Variants in MGAM observed in about 807,000 individuals in gnomAD.
The protein encoded by MGAM is maltase-glucoamylase, also known as alpha-1,4-glucosidase.
MGAM carries 253 observed loss-of-function variants against 358.8 expected under a neutral mutation model. The ratio of observed to expected loss-of-function variants is 0.71; its 90% CI spans 0.64 to 0.78. The LOEUF is 0.78. Among genes scored for constraint, MGAM ranks in the 30% least tolerant of loss-of-function variants. The pLI is 0.00. For missense variants in MGAM, 3,080 were observed against 3,432.6 expected (o/e 0.90, Z 2.57); for synonymous variants, 1,105 against 1,227.1 (o/e 0.90, Z 2.08).
intron 2 of MGAM, 45 bp downstream of exon 2, chr7:142,005,702 G>C: frequency 6.4e-7 from 1 of 1,564,796 alleles, no homozygotes; most frequent in East Asian, 2.3e-5. Context: ...GTTTTTATTA[G>C]AGCAAACCTT....
chr7:141,988,803 A>G (rs2128968816), intron 2 of MGAM, among the ~76,000 whole-genome samples: 1 of 152,326 alleles, frequency 6.6e-6, no homozygotes, highest in South Asian at 2.1e-4. Context: ...CTGCTAAATA[A>G]TAGACATTTC....
chr7:142,094,801 C>T lies in MGAM; in HGVS notation c.7396C>T (p.Arg2466Cys), dbSNP rs267601326. 2.0e-5 allele frequency: 32 copies of T among 1,613,710 alleles called. No homozygotes were observed. Among genetic ancestry groups the T allele is most frequent in the Non-Finnish European group, 2.2e-5 (26 of 1,179,868 alleles). ...FQDAEYEMCV[R>C]WMQLGAFYPF... The stretch of plus-strand genomic sequence containing the variant: ...AGATGCTGAATATGAGATGTGTGTT[C>T]GCTGGATGCAGCTGGGGGCCTTTTA... Residue 2466 changes from arginine to cysteine, a missense_variant, in exon 63 of 71, where the codon CGC (arginine) becomes TGC (cysteine). This residue lies in a region of MGAM where 932 missense variants were observed against 1,198.2 expected (regional missense o/e 0.78). Coordinates refer to ENST00000475668, the MANE Select transcript of MGAM (RefSeq NM_001365693.1).
chr7:142,095,937 A>G lies in MGAM; in HGVS notation c.7607+224A>G, dbSNP rs1815866670. On this transcript the variant is annotated intron_variant, in intron 64 of 70. Coordinates refer to ENST00000475668, the MANE Select transcript of MGAM (RefSeq NM_001365693.1). ...CAAAACTGAAATGATGCAGTATAGC[A>G]TAGAATAATTTCTTTCTAATTTGGC... 10 of 734,206 alleles carry G rather than the reference A, an allele frequency of 1.4e-5. No individual in the cohort carries two copies. The South Asian group carries it at 1.8e-4, about 13-fold the overall frequency. 45.5% of individuals were successfully genotyped at this position (734,206 alleles called of 1,614,324 possible).
intron 1 of MGAM, among the ~76,000 whole-genome samples, chr7:142,000,185 G>A (rs1804622050): frequency 6.6e-6 from 1 of 152,134 alleles, no homozygotes; most frequent in Non-Finnish European, 1.5e-5. Context: ...AAATATGGGG[G>A]TGAGTTAGCC....
At chr7:142,008,409 T>TA (rs1805331808) in intron 2 of MGAM, 97 bp from the exon 3 acceptor site, 1 of 1,305,658 alleles carries the variant, frequency 7.7e-7, no homozygotes, top group African/African-American at 1.5e-5. Context: ...GAGTGAAGCC[T>TA]ACTCAGTAGT....
At chr7:142,089,966 GA>G (rs1412681690) in intron 57 of MGAM, among the ~76,000 whole-genome samples, 1 of 146,178 alleles carries the variant, frequency 6.8e-6, no homozygotes, top group African/African-American at 2.4e-5. Context: ...ACAGCCCCAT[GA>G]AAAGCAGATT....
At chr7:142,042,917 T>G (rs1353668118) in intron 21 of MGAM, among the ~76,000 whole-genome samples, 1 of 49,188 alleles carries the variant, frequency 2.0e-5, no homozygotes, top group East Asian at 6.2e-4. Flanking sequence ...ATATTATATA[T>G]ACATATAATA....
chr7:142,017,951 C>A (rs1346735430), intron 3 of MGAM, among the ~76,000 whole-genome samples: 2 of 152,124 alleles, frequency 1.3e-5, no homozygotes, highest in African/African-American at 2.4e-5. Flanking sequence ...AGCTGAGTAA[C>A]CTTTGGCAGG....
At chr7:142,097,982 T>C (rs1816094539) in intron 66 of MGAM, among the ~76,000 whole-genome samples, 1 of 152,264 alleles carries the variant, frequency 6.6e-6, no homozygotes, top group Non-Finnish European at 1.5e-5. Flanking sequence ...TTGCAAACTA[T>C]AGTTTTTGTT....
intron 3 of MGAM, among the ~76,000 whole-genome samples, chr7:142,017,258 T>C (rs1418469301): frequency 6.6e-6 from 1 of 152,236 alleles, no homozygotes; most frequent in Non-Finnish European, 1.5e-5. Context: ...CTTAAATTTT[T>C]AATTCTCATA....
chr7:142,094,508 C>T lies in MGAM; in HGVS notation c.7306+11C>T. ...AGAAGTCTATCATTGGTGCGTGGGT[C>T]CTTCCCAGGGCCTGTGCCGGTAGGG... On this transcript the variant is annotated intron_variant, in intron 61 of 70. Coordinates refer to ENST00000475668, the MANE Select transcript of MGAM (RefSeq NM_001365693.1). The T allele has an allele frequency of 6.5e-7, 1 of 1,550,134 alleles. No individual in the cohort carries two copies. The highest frequency in any genetic ancestry group is 1.7e-4 in the Middle Eastern group (1 of 5,924).
In MGAM at chr7:142,063,699, T is replaced by G. The variant is rs1812455217; in HGVS notation, c.4345+113T>G. On this transcript the variant is annotated intron_variant, in intron 36 of 70. Transcript: ENST00000475668. Reference sequence around the variant, plus strand: ...TGAGGGCACATCCTCATGGCTGCTGTGGTTTACTGGGGACCAGAGACAAAA... The same window carrying G: ...TGAGGGCACATCCTCATGGCTGCTGGGGTTTACTGGGGACCAGAGACAAAA... The G allele has an allele frequency of 4.9e-6, 6 of 1,234,234 alleles. No individual in the cohort carries two copies. In the South Asian group the frequency reaches 8.2e-5, roughly 17 times the overall value. The allele number at this position is 1,234,234 out of a possible 1,614,324, so 76.5% of individuals were successfully genotyped here. A position where few individuals can be genotyped will look rare whatever the true frequency, so the allele number is the denominator to read the frequency against.
intron 10 of MGAM, among the ~76,000 whole-genome samples, chr7:142,029,610 T>C (rs542691490): frequency 1.3e-5 from 2 of 152,326 alleles, no homozygotes; most frequent in South Asian, 2.1e-4. Flanking sequence ...CACTATTACC[T>C]GAGTTCAGTA....
intron 21 of MGAM, among the ~76,000 whole-genome samples, chr7:142,041,998 ATT>A (rs1563145461): frequency 2.3e-4 from 3 of 13,084 alleles, no homozygotes; most frequent in East Asian, 1.8e-3. Context: ...ATATATATAT[ATT>A]ATATATATAA....
At chr7:142,001,146 C>T (rs1804700500) in intron 1 of MGAM, among the ~76,000 whole-genome samples, 1 of 152,118 alleles carries the variant, frequency 6.6e-6, no homozygotes, top group African/African-American at 2.4e-5. Context: ...TTATGAAGCT[C>T]TTTGGAATGT....
intron 18 of MGAM, 144 bp from the exon 19 acceptor site, chr7:142,038,387 C>G (rs1010162367): frequency 4.5e-5 from 28 of 623,222 alleles, no homozygotes; most frequent in Non-Finnish European, 7.4e-5. Flanking sequence ...TGCAGAGGGG[C>G]TTGAGTAGGT....
chr7:142,005,491 C>T, intron 1 of MGAM, 38 bp from the exon 2 acceptor site: 1 of 1,413,764 alleles, frequency 7.1e-7, no homozygotes, highest in Non-Finnish European at 9.5e-7. Context: ...TATAGTAAAT[C>T]AAATTCAAAT....
chr7:142,034,617 G>T (rs1807815946), intron 15 of MGAM, 53 bp from the exon 16 acceptor site: 2 of 1,526,666 alleles, frequency 1.3e-6, no homozygotes, highest in South Asian at 1.2e-5. Context: ...TATCCCCTTG[G>T]CTGAGACAAG....
In MGAM at chr7:142,046,323, T is replaced by G. The variant is rs151046141; in HGVS notation, c.2499-1462T>G. Among the ~76,000 whole-genome samples the G allele has an allele frequency of 8.2e-3, 1,244 of 151,888 alleles. 10 individuals are homozygous for G. Among genetic ancestry groups the G allele is most frequent in the African/African-American group, 0.029 (1,204 of 41,440 alleles). ...TTGTTAGTTAACTTTGTTGACTTTC[T>G]TTCATGTTGACTTATTACCTTGTGT... On this transcript the variant is annotated intron_variant, in intron 21 of 70. Transcript: ENST00000475668.
Sources: gnomAD v4.1 joint callset for allele counts (sites outside exome capture counted in the v4.1 genomes callset) on GRCh38, gnomAD v4.1.1 for gene constraint, gnomAD v4.1.1 regional missense constraint, MANE v1.5 for transcripts, NCBI Gene and HGNC (gene_info 2026-07-23, HGNC 2026-07-21) for gene names.